RAD51: variants seen among roughly 807,000 people sequenced by gnomAD.
The protein encoded by RAD51 is DNA repair protein RAD51 homolog 1.
Under a neutral mutation model 41.5 loss-of-function variants are expected in RAD51, and 14 were observed. The observed-to-expected ratio is 0.34, with a 90% CI of 0.22 to 0.53. RAD51 has a LOEUF of 0.53. RAD51 is among the 20% of genes least tolerant of loss of function. The probability of loss-of-function intolerance (pLI) is 0.95; values close to 1 mark genes in which losing one functional copy is unlikely to be tolerated. For missense variants in RAD51, 234 were observed against 422.0 expected, an observed-to-expected ratio of 0.55 and a Z score of 3.90; for synonymous variants, 136 against 148.6, an observed-to-expected ratio of 0.92 and a Z score of 0.62.
intron 2 of RAD51, among the ~76,000 whole-genome samples, chr15:40,700,172 C>G (rs1443102751): frequency 6.6e-6 from 1 of 152,152 alleles, no homozygotes; most frequent in Non-Finnish European, 1.5e-5. Flanking sequence ...CTGAATGCAC[C>G]CACATTCACC....
intron 9 of RAD51, among the ~76,000 whole-genome samples, chr15:40,730,525 T>TTTTTTTTTCTTTTCTTTTC (rs1567056569): frequency 7.5e-5 from 10 of 133,212 alleles, no homozygotes; most frequent in African/African-American, 1.1e-4. Flanking sequence ...TTTTTCTTTT[T>TTTTTTTTTCTTTTCTTTTC]TTTTTTTTTT....
chr15:40,707,150 A>ATTT (rs751900607), intron 4 of RAD51, among the ~76,000 whole-genome samples: 938 of 93,586 alleles, frequency 0.01, 79 homozygotes, highest in African/African-American at 0.037. Flanking sequence ...CACCTGGCTA[A>ATTT]TTTTTTTTTT....
intron 6 of RAD51, among the ~76,000 whole-genome samples, chr15:40,724,986 G>A (rs1484854771): frequency 5.1e-5 from 7 of 137,668 alleles, no homozygotes; most frequent in African/African-American, 1.7e-4. Context: ...TGCAAGCTCC[G>A]CTTCCCGGGT....
intron 6 of RAD51, 98 bp downstream of exon 6, chr15:40,718,997 C>T: frequency 1.8e-6 from 2 of 1,098,384 alleles, no homozygotes; most frequent in Non-Finnish European, 1.4e-6. Flanking sequence ...TCTATAACCC[C>T]ACGTCCCAAA....
intron 2 of RAD51, 65 bp downstream of exon 2, chr15:40,698,910 C>A: frequency 6.8e-7 from 1 of 1,468,120 alleles, no homozygotes; most frequent in Non-Finnish European, 9.5e-7. Flanking sequence ...GAAGGTATTA[C>A]AACCTTTACA....
At chr15:40,704,563 T>C (rs755672391) in intron 3 of RAD51, among the ~76,000 whole-genome samples, 4 of 150,946 alleles carry the variant, frequency 2.6e-5, no homozygotes, top group African/African-American at 7.3e-5. Context: ...GGTTTCACCA[T>C]ATTGGGCAGG....
rs201567661 is a variant in RAD51 at position 40,729,816 on chromosome 15, A to G, written c.775-37A>G. On this transcript the variant is annotated intron_variant, in intron 8 of 9. Coordinates refer to ENST00000267868, the MANE Select transcript of RAD51 (RefSeq NM_002875.5). Reference sequence around the variant, plus strand: ...CAGCATTAAGGCTTTTGGAGTGTCTATGGCCACAAAATTGACATTTATCCT... The same window carrying G: ...CAGCATTAAGGCTTTTGGAGTGTCTGTGGCCACAAAATTGACATTTATCCT... 4.0e-4 allele frequency: 639 copies of G among 1,614,030 alleles called. 3 individuals are homozygous for G. The highest frequency in any genetic ancestry group is 8.6e-5 in the Non-Finnish European group (101 of 1,180,012).
chr15:40,722,604 C>T lies in RAD51; in HGVS notation c.530+3705C>T, dbSNP rs908797737. 3.3e-5 allele frequency among the ~76,000 whole-genome samples: 5 copies of T among 151,990 alleles called. No individual in the cohort carries two copies. In the South Asian group the frequency reaches 1.0e-3, roughly 32 times the overall value. ...GAGATGAATAGTGGTGATGGTTGCA[C>T]AGCAGCATGAATGTCCTTAATGTGC... On this transcript the variant is annotated intron_variant, in intron 6 of 9. Coordinates refer to ENST00000267868, the MANE Select transcript of RAD51 (RefSeq NM_002875.5).
intron 2 of RAD51, among the ~76,000 whole-genome samples, chr15:40,700,279 G>C (rs1335855291): frequency 6.6e-6 from 1 of 152,150 alleles, no homozygotes; most frequent in Non-Finnish European, 1.5e-5. Context: ...TGGGTGGTTT[G>C]TTTTGAGAAG....
In RAD51 at chr15:40,723,473, A is replaced by G. The variant is rs45560033; in HGVS notation, c.530+4574A>G. On this transcript the variant is annotated intron_variant, in intron 6 of 9. Transcript: ENST00000267868. ...AAACAAAATTTGTTTTCTCCATACA[A>G]TGGGATACTCTTCAGCAATAAAAAA... Among the ~76,000 whole-genome samples the G allele has an allele frequency of 2.0e-3, 306 of 152,286 alleles. 1 individual carries two copies. The highest frequency in any genetic ancestry group is 7.1e-3 in the African/African-American group (295 of 41,568).
intron 5 of RAD51, among the ~76,000 whole-genome samples, chr15:40,715,019 A>C (rs1895915427): frequency 6.6e-6 from 1 of 152,156 alleles, no homozygotes; most frequent in Non-Finnish European, 1.5e-5. Flanking sequence ...ATTAAAAAAT[A>C]AAAACAGTTC....
chr15:40,721,738 A>G (rs992035124), intron 6 of RAD51, among the ~76,000 whole-genome samples: 2 of 152,218 alleles, frequency 1.3e-5, no homozygotes, highest in African/African-American at 2.4e-5. Flanking sequence ...GACCCTTACT[A>G]TATACCACAC....
At chr15:40,730,483 C>G (rs968797877) in intron 9 of RAD51, among the ~76,000 whole-genome samples, 1 of 148,402 alleles carries the variant, frequency 6.7e-6, no homozygotes, top group African/African-American at 2.5e-5. Context: ...TCCAGCCTGG[C>G]AAAAGAGCAG....
chr15:40,711,459 T>A (rs931137531), intron 5 of RAD51, among the ~76,000 whole-genome samples: 2 of 152,102 alleles, frequency 1.3e-5, no homozygotes, highest in African/African-American at 4.8e-5. Context: ...AATGCTTGAA[T>A]GAGTGGAGAT....
chr15:40,712,077 CAAAA>C (rs57056143), intron 5 of RAD51, among the ~76,000 whole-genome samples: 1 of 107,322 alleles, frequency 9.3e-6, no homozygotes. Flanking sequence ...GTCTCCATCT[CAAAA>C]AAAAAAAAAA....
chr15:40,703,421 A>G (rs1389682500), intron 3 of RAD51, among the ~76,000 whole-genome samples: 1 of 152,234 alleles, frequency 6.6e-6, no homozygotes, highest in Non-Finnish European at 1.5e-5. Flanking sequence ...AGAAAAGTTT[A>G]GAGAATAAAC....
chr15:40,703,496 G>C (rs886973106), intron 3 of RAD51, among the ~76,000 whole-genome samples: 13 of 152,138 alleles, frequency 8.5e-5, no homozygotes, highest in African/African-American at 3.1e-4. Context: ...CATTATGAAA[G>C]TTTAATCTTT....
intron 9 of RAD51, among the ~76,000 whole-genome samples, chr15:40,730,607 C>T (rs1276279285): frequency 3.5e-5 from 5 of 144,912 alleles, no homozygotes; most frequent in Admixed American, 7.2e-5. Context: ...CTGCAAGCTC[C>T]GCCTCCCGGG....
chr15:40,699,416 T>A (rs953246996), intron 2 of RAD51, among the ~76,000 whole-genome samples: 10 of 152,382 alleles, frequency 6.6e-5, no homozygotes, highest in African/African-American at 2.4e-4. Flanking sequence ...GTGCTGGGAT[T>A]ACAGGCATGG....
Sources: gnomAD v4.1 joint callset for allele counts (sites outside exome capture counted in the v4.1 genomes callset) on GRCh38, gnomAD v4.1.1 for gene constraint, MANE v1.5 for transcripts, NCBI Gene and HGNC (gene_info 2026-07-23, HGNC 2026-07-21) for gene names.